Variants in KLHL25 observed in about 807,000 individuals in gnomAD.
KLHL25 encodes the protein kelch like family member 25, also known as kelch-like protein 25.
A neutral mutation model predicts 30.0 loss-of-function variants in KLHL25; 41 were observed. The ratio of observed to expected loss-of-function variants is 1.37; its 90% confidence interval spans 1.07 to 1.78. The LOEUF is 1.78. Ranked by LOEUF, KLHL25 falls within the 40% of genes most tolerant of loss-of-function variation. The probability of loss-of-function intolerance (pLI) is 0.00; values close to 1 mark genes in which losing one functional copy is unlikely to be tolerated. For missense variants in KLHL25, 971 were observed against 824.5 expected, an observed-to-expected ratio of 1.18 and a Z score of -2.18; for synonymous variants, 399 against 355.3, an observed-to-expected ratio of 1.12 and a Z score of -1.38.
At chr15:85,778,560 C>CCATTTCACAGCTTAGG (rs2089724856) in intron 1 of KLHL25, among the ~76,000 whole-genome samples, 1 of 152,144 alleles carries the variant, frequency 6.6e-6, no homozygotes, top group Non-Finnish European at 1.5e-5. Context: ...AGGTGTTAGG[C>CCATTTCACAGCTTAGG]AATTTGCCCA....
chr15:85,779,064 T>TA (rs397956092), intron 1 of KLHL25, among the ~76,000 whole-genome samples: 1 of 150,790 alleles, frequency 6.6e-6, no homozygotes, highest in East Asian at 1.9e-4. Flanking sequence ...TTTTTTTTTT[T>TA]AAAGAGAAGC....
intron 2 of KLHL25, among the ~76,000 whole-genome samples, chr15:85,765,821 A>C (rs1250931818): frequency 1.5e-5 from 2 of 131,874 alleles, no homozygotes; most frequent in African/African-American, 5.5e-5. Flanking sequence ...ACAGAGCGAG[A>C]CTGTCTCAAA....
rs1393118565 is a variant in KLHL25 at position 85,768,080 on chromosome 15, G to A, written c.1731C>T (p.Pro577=). 7 of 1,613,692 alleles carry A rather than the reference G, an allele frequency of 4.3e-6. No individual in the cohort carries two copies. The highest frequency in any genetic ancestry group is 5.9e-6 in the Non-Finnish European group (7 of 1,179,746). ...CITTVPYSLI[P]TAFVSTWKHL... ...GCTTCCAGGTGCTGACAAAGGCCGTGGGGATAAGTGAGTAGGGCACTGTGG... is the reference window on the plus strand; with the variant it reads ...GCTTCCAGGTGCTGACAAAGGCCGTAGGGATAAGTGAGTAGGGCACTGTGG... The change falls in exon 2 of 3, where the codon CCC becomes CCT. Residue 577 remains proline (P), a synonymous_variant. Coordinates refer to ENST00000337975, the MANE Select transcript of KLHL25 (RefSeq NM_022480.4).
intron 2 of KLHL25, among the ~76,000 whole-genome samples, chr15:85,766,756 C>T (rs539413558): frequency 6.6e-6 from 1 of 152,336 alleles, no homozygotes; most frequent in East Asian, 1.9e-4. Flanking sequence ...ACTCGCTCTG[C>T]AGGAAGCCCT....
chr15:85,769,626 G>A lies in KLHL25; in HGVS notation c.185C>T (p.Ala62Val). Residue 62 changes from alanine to valine, a missense_variant, in exon 2 of 3, where the codon GCC becomes GTC. By Grantham distance (64) the Ala-to-Val change is moderately conservative. Coordinates refer to ENST00000337975, the MANE Select transcript of KLHL25 (RefSeq NM_022480.4). The part of the protein sequence containing the change: ...AGDRAFPCHR[A>V]VLAASSRYFE... ...ATAGCGGCTAGAGGCGGCCAGCACG[G>A]CACGGTGACAGGGGAAGGCACGGTC... The A allele has an allele frequency of 1.2e-6, 2 of 1,613,268 alleles. No individual in the cohort carries two copies. The highest frequency in any genetic ancestry group is 8.5e-7 in the Non-Finnish European group (1 of 1,180,040).
Position 85,769,226 on chromosome 15 carries a change from G to A in KLHL25, c.585C>T (p.Asp195=), listed in dbSNP as rs2089650251. The change falls in exon 2 of 3, where the codon GAC becomes GAT. Residue 195 remains aspartate, a synonymous_variant. Coordinates refer to ENST00000337975, the MANE Select transcript of KLHL25 (RefSeq NM_022480.4). ...TCTCCAGCTCATCACTCGAGATGAG[G>A]TCCAGCAGTGTGTCCTTGGACAGGC... The part of the protein sequence containing the change: ...FNSLSKDTLL[D]LISSDELETE... The A allele has an allele frequency of 1.9e-6, 3 of 1,613,706 alleles. No homozygotes were observed. Among genetic ancestry groups the A allele is most frequent in the African/African-American group, 1.3e-5 (1 of 74,948 alleles).
At chr15:85,775,830 G>A (rs945882222) in intron 1 of KLHL25, among the ~76,000 whole-genome samples, 2 of 146,838 alleles carry the variant, frequency 1.4e-5, no homozygotes, top group African/African-American at 5.1e-5. Context: ...GTGTGAGGGC[G>A]CCCAGCCAGG....
chr15:85,764,694 G>A (rs898335227), intron 2 of KLHL25, among the ~76,000 whole-genome samples: 3 of 152,188 alleles, frequency 2.0e-5, no homozygotes, highest in African/African-American at 7.2e-5. Context: ...AGAGGGAGGG[G>A]CTAAGCAGAG....
rs2089701529 is a variant in KLHL25, at chr15:85,775,113, G to T, written c.-10-5293C>A. Among the ~76,000 whole-genome samples, 3 of 152,134 alleles carry T rather than the reference G, an allele frequency of 2.0e-5. No individual in the cohort carries two copies. In the South Asian group the frequency reaches 6.2e-4, roughly 32 times the overall value. ...GCTGGTCTTGAACTCCTGACCTCAG[G>T]TGATCTGCCCGTCTTAGCCTCCCAA... On this transcript the variant is annotated intron_variant, in intron 1 of 2. Transcript: ENST00000337975.
At chr15:85,776,574 A>C (rs903617800) in intron 1 of KLHL25, among the ~76,000 whole-genome samples, 1 of 152,184 alleles carries the variant, frequency 6.6e-6, no homozygotes, top group Non-Finnish European at 1.5e-5. Context: ...ACTGATCTGA[A>C]TTATATTTTT....
chr15:85,772,029 T>G (rs1284584733), intron 1 of KLHL25, among the ~76,000 whole-genome samples: 1 of 152,170 alleles, frequency 6.6e-6, no homozygotes, highest in East Asian at 1.9e-4. Context: ...CCCCAAATCT[T>G]GCTGTGATTG....
In KLHL25 at chr15:85,789,526, G is replaced by A. The variant is rs1041232012; in HGVS notation, c.-11+5240C>T. Among the ~76,000 whole-genome samples the A allele has an allele frequency of 3.3e-5, 5 of 152,092 alleles. No individual in the cohort carries two copies. Among genetic ancestry groups the A allele is most frequent in the South Asian group, 2.1e-4 (1 of 4,826 alleles). On this transcript the variant is annotated intron_variant, in intron 1 of 2. Transcript: ENST00000337975. The surrounding 1 kb of genome is among the most constrained non-coding windows in gnomAD (Gnocchi z 4.1). The stretch of plus-strand genomic sequence containing the variant: ...CTCCCAAGTAGCTGGAATTATAGGC[G>A]CCTGCCACCATGTCCAGCTAATCTG...
At chr15:85,771,399 T>C (rs2089671350) in intron 1 of KLHL25, among the ~76,000 whole-genome samples, 1 of 152,198 alleles carries the variant, frequency 6.6e-6, no homozygotes, top group African/African-American at 2.4e-5. Flanking sequence ...CCACTCCAAG[T>C]CAATTTTCTA....
At chr15:85,790,504 C>T (rs908377142) in intron 1 of KLHL25, among the ~76,000 whole-genome samples, 6 of 152,182 alleles carry the variant, frequency 3.9e-5, no homozygotes, top group African/African-American at 1.4e-4. Flanking sequence ...CCAGAGCTTG[C>T]AAGAACTTTT....
At chr15:85,791,581 A>C (rs987565108) in intron 1 of KLHL25, among the ~76,000 whole-genome samples, 9 of 152,146 alleles carry the variant, frequency 5.9e-5, no homozygotes, top group Admixed American at 3.9e-4. Context: ...GAAAGCAGGA[A>C]AGGTTTAGCA....
chr15:85,788,542 T>C (rs2089796169), intron 1 of KLHL25, among the ~76,000 whole-genome samples: 1 of 152,098 alleles, frequency 6.6e-6, no homozygotes, highest in African/African-American at 2.4e-5. Context: ...CCTGGACACA[T>C]TTGAAATGAG....
At chr15:85,772,466 T>TC (rs1448991455) in intron 1 of KLHL25, among the ~76,000 whole-genome samples, 1 of 152,180 alleles carries the variant, frequency 6.6e-6, no homozygotes, top group East Asian at 1.9e-4. Flanking sequence ...GCTTGGACAC[T>TC]CCAAGTGTGG....
chr15:85,764,774 G>A (rs953275453), intron 2 of KLHL25, among the ~76,000 whole-genome samples: 1 of 152,178 alleles, frequency 6.6e-6, no homozygotes, highest in African/African-American at 2.4e-5. Context: ...GTCCTCCATC[G>A]CTACCCCTTT....
intron 1 of KLHL25, among the ~76,000 whole-genome samples, chr15:85,778,673 C>T (rs947224710): frequency 1.3e-5 from 2 of 152,146 alleles, no homozygotes; most frequent in Admixed American, 6.5e-5. Flanking sequence ...GGGGAAGGGG[C>T]GGCGTTCAAA....
Sources: gnomAD v4.1 joint callset for allele counts (sites outside exome capture counted in the v4.1 genomes callset) on GRCh38, gnomAD v4.1.1 for gene constraint, Gnocchi (gnomAD v3.1) non-coding constraint, MANE v1.5 for transcripts, NCBI Gene and HGNC (gene_info 2026-07-23, HGNC 2026-07-21) for gene names.